The following GRHL2 variants were observed in gnomAD, a reference collection of about 807,000 sequenced individuals.
GRHL2 encodes grainyhead-like protein 2 homolog.
Under a neutral mutation model 83.8 loss-of-function variants are expected in GRHL2, and 21 were observed. That is an observed-to-expected ratio of 0.25 (90% CI 0.18 to 0.36). GRHL2 has a LOEUF of 0.36. Ranked by LOEUF, GRHL2 falls within the 10% of genes least tolerant of loss-of-function variation. GRHL2 has a pLI of 1.00. For missense variants in GRHL2, 623 were observed against 781.8 expected, an observed-to-expected ratio of 0.80 and a Z score of 2.42; for synonymous variants, 280 against 278.9, an observed-to-expected ratio of 1.00 and a Z score of -0.04.
At chr8:101,652,588 CTGTGTGTGTGTGG>C (rs747996964) in intron 14 of GRHL2, among the ~76,000 whole-genome samples, 222 of 17,932 alleles carry the variant, frequency 0.012, 6 homozygotes, top group Admixed American at 0.077. Flanking sequence ...TGTGTGGTGT[CTGTGTGTGTGTGG>C]TGTGTGTGTG....
At chr8:101,610,667 A>C (rs1237785108) in intron 8 of GRHL2, among the ~76,000 whole-genome samples, 3 of 151,102 alleles carry the variant, frequency 2.0e-5, no homozygotes, top group African/African-American at 7.4e-5. Flanking sequence ...ATTTAAAAGA[A>C]GAAAGTGAGT....
At chr8:101,591,317 C>A (rs1812277115) in intron 7 of GRHL2, among the ~76,000 whole-genome samples, 1 of 152,178 alleles carries the variant, frequency 6.6e-6, no homozygotes, top group Non-Finnish European at 1.5e-5. Context: ...ACACTGACAC[C>A]TCTTGTTTTC....
Position 101,664,520 on chromosome 8 carries a change from T to TAAGA in GRHL2, c.1763+9_1763+12dup, listed in dbSNP as rs780966172. ...GCTTTACAAGAAAAGCAAAAAAGGG[T>TAAGA]AAGAAAGAAACTGAACTTAAATTGA... is the stretch of plus-strand genomic sequence containing the variant. On this transcript the variant is annotated splice_region_variant and intron_variant, in intron 15 of 15. Coordinates refer to ENST00000646743, the MANE Select transcript of GRHL2 (RefSeq NM_024915.4). 3.1e-6 allele frequency: 5 copies of TAAGA among 1,608,044 alleles called. No individual in the cohort carries two copies. The highest frequency in any genetic ancestry group is 4.3e-6 in the Non-Finnish European group (5 of 1,174,882).
chr8:101,589,921 G>A (rs554131290), intron 7 of GRHL2, among the ~76,000 whole-genome samples: 5 of 152,250 alleles, frequency 3.3e-5, no homozygotes, highest in South Asian at 2.1e-4. Context: ...GATGAATTTC[G>A]TAAGTTCTAA....
intron 7 of GRHL2, among the ~76,000 whole-genome samples, chr8:101,586,223 G>A (rs539456131): frequency 6.6e-6 from 1 of 151,910 alleles, no homozygotes; most frequent in Non-Finnish European, 1.5e-5. Flanking sequence ...GGGACTACAG[G>A]CACCTCATGT....
intron 6 of GRHL2, 99 bp from the exon 7 acceptor site, chr8:101,577,309 C>T: frequency 1.3e-6 from 1 of 779,886 alleles, no homozygotes; most frequent in Non-Finnish European, 2.3e-6. Context: ...AGAAAAGCAA[C>T]ATGACACAAA....
chr8:101,504,397 G>T (rs71518822), intron 1 of GRHL2, among the ~76,000 whole-genome samples: 11,442 of 152,228 alleles, frequency 0.075, 554 homozygotes, highest in East Asian at 0.11. Flanking sequence ...TGAAGCTGAG[G>T]AATGACTAAG....
chr8:101,543,131 A>G (rs1214265485), intron 1 of GRHL2, 110 bp from the exon 2 acceptor site: 4 of 874,272 alleles, frequency 4.6e-6, no homozygotes, highest in South Asian at 1.4e-5. Context: ...CTTCTCCCCC[A>G]TTCTGGGGAA....
At chr8:101,677,527 G>GA in the GRHL2 span, among the ~76,000 whole-genome samples, 2 of 151,256 alleles carry the variant, frequency 1.3e-5, no homozygotes, top group East Asian at 3.9e-4. Flanking sequence ...ACTGGTATTG[G>GA]AAAAAAAAAA....
At chr8:101,525,947 G>C (rs1363614705) in intron 1 of GRHL2, among the ~76,000 whole-genome samples, 2 of 152,180 alleles carry the variant, frequency 1.3e-5, no homozygotes, top group African/African-American at 4.8e-5. Context: ...AGCTGGGCAA[G>C]AGAGCAAGAC....
chr8:101,669,214 T>C lies in GRHL2; in HGVS notation c.*2511T>C, dbSNP rs1017583672. 29 of 148,636 alleles carry C rather than the reference T, an allele frequency of 2.0e-4. No homozygotes were observed. The highest frequency in any genetic ancestry group is 7.1e-4 in the African/African-American group (29 of 40,870). The allele number at this position is 148,636 out of a possible 1,614,324, so 9.2% of individuals were successfully genotyped here. A position where few individuals can be genotyped will look rare whatever the true frequency, so the allele number is the denominator to read the frequency against. ...CAAACTCAAATAAGCTTAAAAAAAA[T>C]CCATGGAAGATCATGGACATGTGAA... is the stretch of plus-strand genomic sequence containing the variant. On this transcript the variant is annotated 3_prime_UTR_variant, in exon 16 of 16. Coordinates refer to ENST00000646743, the MANE Select transcript of GRHL2 (RefSeq NM_024915.4).
intron 13 of GRHL2, among the ~76,000 whole-genome samples, chr8:101,645,287 C>T (rs1333449103): frequency 1.3e-5 from 2 of 151,920 alleles, no homozygotes; most frequent in Non-Finnish European, 2.9e-5. Flanking sequence ...TGTGTGCCAC[C>T]ACGCCCAGCT....
chr8:101,540,108 T>C (rs1811122427), intron 1 of GRHL2, among the ~76,000 whole-genome samples: 1 of 152,204 alleles, frequency 6.6e-6, no homozygotes, highest in Non-Finnish European at 1.5e-5. Flanking sequence ...TATACTCAAC[T>C]TTACCAAAAA....
Position 101,552,721 on chromosome 8 carries a change from C to T in GRHL2, c.223C>T (p.Arg75Ter). ...TGGTTGGTGATGTTTCCAGGTTCCT[C>T]GAGACAAGAGGCTGCTGTCTGTAAG... ...GLLYDYYKVP[R>*]DKRLLSVSKA... The change falls in exon 3 of 16, where the codon CGA becomes TGA. Residue 75 changes from arginine to a stop codon, truncating the protein, a stop_gained. Transcript: ENST00000646743. LOFTEE classifies it high-confidence loss of function. 6.2e-7 allele frequency: 1 copy of T among 1,613,976 alleles called. No individual in the cohort carries two copies. Among genetic ancestry groups the T allele is most frequent in the Non-Finnish European group, 8.5e-7 (1 of 1,179,952 alleles).
intron 3 of GRHL2, among the ~76,000 whole-genome samples, chr8:101,556,083 G>A (rs1811483438): frequency 6.6e-6 from 1 of 152,148 alleles, no homozygotes. Flanking sequence ...TCAGCCTCCT[G>A]AGTAGCTGGG....
intron 8 of GRHL2, among the ~76,000 whole-genome samples, chr8:101,602,693 G>A (rs1163947458): frequency 1.3e-5 from 2 of 152,180 alleles, no homozygotes; most frequent in African/African-American, 2.4e-5. Flanking sequence ...ATGAGGTACT[G>A]GGCTCTTTCT....
At chr8:101,543,018 C>T (rs907414435) in intron 1 of GRHL2, among the ~76,000 whole-genome samples, 2 of 152,096 alleles carry the variant, frequency 1.3e-5, no homozygotes, top group Non-Finnish European at 2.9e-5. Context: ...ACCATAATAC[C>T]AACTTATACT....
At chr8:101,563,697 G>C (rs563672892) in intron 4 of GRHL2, among the ~76,000 whole-genome samples, 1 of 151,526 alleles carries the variant, frequency 6.6e-6, no homozygotes, top group African/African-American at 2.4e-5. Context: ...GCTTAAAATA[G>C]TTAGCAAACT....
chr8:101,576,034 C>G (rs1811926377), intron 6 of GRHL2, among the ~76,000 whole-genome samples: 1 of 152,222 alleles, frequency 6.6e-6, no homozygotes, highest in Non-Finnish European at 1.5e-5. Context: ...AAAGTGACAG[C>G]CAGCCACCGG....
Sources: gnomAD v4.1 joint callset for allele counts (sites outside exome capture counted in the v4.1 genomes callset) on GRCh38, gnomAD v4.1.1 for gene constraint, MANE v1.5 for transcripts, NCBI Gene and HGNC (gene_info 2026-07-23, HGNC 2026-07-21) for gene names.